Variants in SNX29 observed in about 807,000 individuals in gnomAD.
SNX29 encodes sorting nexin 29.
Under a neutral mutation model 102.1 loss-of-function variants are expected in SNX29, and 78 were observed. The observed-to-expected ratio is 0.76, with a 90% CI of 0.64 to 0.92. SNX29 has a LOEUF of 0.92. Ranked by LOEUF, SNX29 falls within the 40% of genes least tolerant of loss-of-function variation. SNX29 has a pLI of 0.00. For missense variants in SNX29, 1,280 were observed against 1,061.7 expected, an observed-to-expected ratio of 1.21 and a Z score of -2.86; for synonymous variants, 580 against 414.5, an observed-to-expected ratio of 1.40 and a Z score of -4.85.
intron 4 of SNX29, among the ~76,000 whole-genome samples, 180 bp from the exon 5 acceptor site, chr16:12,042,717 C>T (rs182428770): frequency 4.6e-5 from 7 of 152,300 alleles, no homozygotes; most frequent in African/African-American, 1.2e-4. Flanking sequence ...TTTGTTTATC[C>T]AGTCCACTAT....
chr16:12,531,708 G>GCCCTTCCCA (rs2076937104), intron 20 of SNX29, among the ~76,000 whole-genome samples: 2 of 152,206 alleles, frequency 1.3e-5, no homozygotes, highest in African/African-American at 4.8e-5. Context: ...GGGACAAGGA[G>GCCCTTCCCA]GGGAAGCCCG....
intron 18 of SNX29, among the ~76,000 whole-genome samples, chr16:12,404,034 G>A (rs2084066503): frequency 6.6e-6 from 1 of 152,170 alleles, no homozygotes; most frequent in South Asian, 2.1e-4. Context: ...ACACCTTGGG[G>A]TTGGGTGACG....
intron 19 of SNX29, among the ~76,000 whole-genome samples, chr16:12,513,782 G>A (rs547969931): frequency 1.1e-3 from 165 of 152,288 alleles, no homozygotes; most frequent in African/African-American, 3.6e-3. Context: ...TGCTAACAGC[G>A]CCCAGTCAGC....
intron 15 of SNX29, among the ~76,000 whole-genome samples, chr16:12,291,871 T>G (rs896721769): frequency 2.6e-5 from 4 of 152,290 alleles, no homozygotes; most frequent in East Asian, 1.9e-4. Context: ...CATGAATGAA[T>G]GGATGAGTGA....
intron 18 of SNX29, among the ~76,000 whole-genome samples, chr16:12,440,490 G>A (rs577252885): frequency 1.1e-4 from 17 of 152,164 alleles, no homozygotes; most frequent in East Asian, 3.9e-4. Flanking sequence ...GGTTTGTTAC[G>A]TAGGTGAACT....
intron 5 of SNX29, among the ~76,000 whole-genome samples, chr16:12,044,902 A>G (rs562524865): frequency 6.6e-6 from 1 of 152,162 alleles, no homozygotes; most frequent in South Asian, 2.1e-4. Context: ...TTCGAAGTGA[A>G]TTTCTGTGAA....
At chr16:12,063,366 C>CTTTTTTTTTTTTT (rs369015533) in intron 9 of SNX29, among the ~76,000 whole-genome samples, 617 of 55,390 alleles carry the variant, frequency 0.011, 119 homozygotes, top group Admixed American at 0.018. Flanking sequence ...CCTAGTCCAT[C>CTTTTTTTTTTTTT]TTTTTTTTTT....
chr16:12,492,229 G>C (rs2088587248), intron 19 of SNX29, among the ~76,000 whole-genome samples: 1 of 152,184 alleles, frequency 6.6e-6, no homozygotes, highest in East Asian at 1.9e-4. Flanking sequence ...ATTCTAAATG[G>C]TGTGAGATGG....
At chr16:12,428,120 A>G (rs1452313831) in intron 18 of SNX29, among the ~76,000 whole-genome samples, 1 of 152,152 alleles carries the variant, frequency 6.6e-6, no homozygotes, top group Non-Finnish European at 1.5e-5. Flanking sequence ...TTTTCCCCCA[A>G]CTGTAATTCC....
chr16:12,496,296 C>T (rs210717), intron 19 of SNX29, among the ~76,000 whole-genome samples: 6,435 of 152,190 alleles, frequency 0.042, 306 homozygotes, highest in East Asian at 0.23. Flanking sequence ...GTTGTGTTTC[C>T]GTGGTGGTGG....
In SNX29 at chr16:12,569,752, G is replaced by A. The variant is rs180748354; in HGVS notation, c.*1123G>A. 1,461 of 230,618 alleles carry A rather than the reference G, an allele frequency of 6.3e-3. 10 individuals carry two copies. The highest frequency in any genetic ancestry group is 9.6e-3 in the Non-Finnish European group (1,119 of 116,412). 14.3% of individuals were successfully genotyped at this position (230,618 alleles called of 1,614,324 possible). ...CAGCCCCCAGGGCTCCTCCTCCAGT[G>A]AGCTCACATCAGAGCACCTCACAGA... On this transcript the variant is annotated 3_prime_UTR_variant, in exon 21 of 21. Transcript: ENST00000566228.
At position 12,296,893 on chromosome 16, in the gene SNX29, C is replaced by A. The variant is rs113159055; in HGVS notation, c.1782+18857C>A. 5.5e-3 allele frequency among the ~76,000 whole-genome samples: 839 copies of A among 152,328 alleles called. 7 individuals carry two copies. Among genetic ancestry groups the A allele is most frequent in the African/African-American group, 0.02 (812 of 41,574 alleles). ...GGGTTCTCAACCCCAACACTATTGA[C>A]ATTTTGGACCACATAATCGTTTGTC... On this transcript the variant is annotated intron_variant, in intron 15 of 20. Transcript: ENST00000566228.
At chr16:12,313,613 T>C (rs1244476628) in intron 15 of SNX29, among the ~76,000 whole-genome samples, 1 of 152,172 alleles carries the variant, frequency 6.6e-6, no homozygotes, top group Non-Finnish European at 1.5e-5. Flanking sequence ...CTGAATTCGG[T>C]GGTTCTTCTT....
At chr16:12,560,232 G>GA (rs1461319736) in intron 20 of SNX29, among the ~76,000 whole-genome samples, 1 of 149,992 alleles carries the variant, frequency 6.7e-6, no homozygotes, top group Non-Finnish European at 1.5e-5. Context: ...AGAGCTTGCA[G>GA]AAGAAAAGCC....
At chr16:12,321,456 A>G (rs1206995816) in intron 15 of SNX29, among the ~76,000 whole-genome samples, 1 of 152,188 alleles carries the variant, frequency 6.6e-6, no homozygotes, top group African/African-American at 2.4e-5. Context: ...GAGTGAGGAC[A>G]GGTGACCTGT....
chr16:12,424,703 G>T (rs770850679), intron 18 of SNX29, among the ~76,000 whole-genome samples: 1 of 152,142 alleles, frequency 6.6e-6, no homozygotes, highest in Non-Finnish European at 1.5e-5. Flanking sequence ...TTGTTGTTCC[G>T]AGTGGAGTTC....
At chr16:12,441,874 C>A (rs116899650) in intron 18 of SNX29, among the ~76,000 whole-genome samples, 1 of 152,132 alleles carries the variant, frequency 6.6e-6, no homozygotes, top group African/African-American at 2.4e-5. Context: ...CTGCAACCTC[C>A]GCCTCCTGGA....
At chr16:12,538,289 A>T (rs540155899) in intron 20 of SNX29, among the ~76,000 whole-genome samples, 1 of 151,920 alleles carries the variant, frequency 6.6e-6, no homozygotes, top group African/African-American at 2.4e-5. Flanking sequence ...CTAATTTTGT[A>T]TTTTTGTTTT....
intron 15 of SNX29, among the ~76,000 whole-genome samples, chr16:12,319,338 T>TA (rs766353787): frequency 5.3e-5 from 8 of 151,932 alleles, no homozygotes; most frequent in Non-Finnish European, 1.2e-4. Flanking sequence ...TCTACAAAAG[T>TA]AAAAAGTTAG....
Sources: gnomAD v4.1 joint callset for allele counts (sites outside exome capture counted in the v4.1 genomes callset) on GRCh38, gnomAD v4.1.1 for gene constraint, MANE v1.5 for transcripts, NCBI Gene and HGNC (gene_info 2026-07-23, HGNC 2026-07-21) for gene names.